ADAMTSL1: variants seen among roughly 807,000 people sequenced by gnomAD.
ADAMTSL1 encodes the protein ADAMTS like 1.
In ADAMTSL1, 126 loss-of-function variants were observed where a neutral mutation model predicts 201.8. That is an observed-to-expected ratio of 0.62 (90% CI 0.54 to 0.72). The LOEUF (loss-of-function observed/expected upper bound fraction) is 0.72. ADAMTSL1 is among the 30% of genes least tolerant of loss of function. ADAMTSL1 has a pLI of 0.00. For missense variants in ADAMTSL1, 2,679 were observed against 2,277.8 expected (o/e 1.18, Z -3.59); for synonymous variants, 1,121 against 903.4 (o/e 1.24, Z -4.32).
At chr9:18,881,380 G>C (rs1588297650) in intron 23 of ADAMTSL1, among the ~76,000 whole-genome samples, 1 of 152,196 alleles carries the variant, frequency 6.6e-6, no homozygotes, top group African/African-American at 2.4e-5. Flanking sequence ...AGATGCCACT[G>C]TAGGATTATT....
intron 3 of ADAMTSL1, among the ~76,000 whole-genome samples, chr9:18,534,819 A>C (rs957874852): frequency 6.6e-6 from 1 of 152,226 alleles, no homozygotes; most frequent in African/African-American, 2.4e-5. Flanking sequence ...CCTGAGCTGT[A>C]CCTTGGCCAC....
At chr9:17,926,107 T>C (rs1462644948) in intron 1 of ADAMTSL1, among the ~76,000 whole-genome samples, 1 of 152,142 alleles carries the variant, frequency 6.6e-6, no homozygotes, top group Admixed American at 6.5e-5. Context: ...GTCTACTGCA[T>C]ATGGAAAGGA....
chr9:18,264,106 A>G (rs769130472), intron 2 of ADAMTSL1, among the ~76,000 whole-genome samples: 5 of 152,210 alleles, frequency 3.3e-5, no homozygotes, highest in Admixed American at 6.5e-5. Flanking sequence ...CTGTGTCTCC[A>G]TTACTAGCAT....
At chr9:18,677,179 T>C (rs1472185258) in intron 10 of ADAMTSL1, among the ~76,000 whole-genome samples, 1 of 151,942 alleles carries the variant, frequency 6.6e-6, no homozygotes, top group African/African-American at 2.4e-5. Flanking sequence ...ATTTGACTTA[T>C]ACTAGATATA....
At chr9:18,510,799 A>C (rs1443919334) in intron 2 of ADAMTSL1, among the ~76,000 whole-genome samples, 2 of 152,010 alleles carry the variant, frequency 1.3e-5, no homozygotes, top group Non-Finnish European at 2.9e-5. Context: ...GTGCTTGATG[A>C]TGGACATTTA....
chr9:18,230,234 C>T (rs1830598918), intron 2 of ADAMTSL1, among the ~76,000 whole-genome samples: 1 of 152,136 alleles, frequency 6.6e-6, no homozygotes. Flanking sequence ...TCATCATATG[C>T]ACACATGCTA....
At position 18,515,535 on chromosome 9, in the gene ADAMTSL1, A is replaced by C. The variant is rs542688341; in HGVS notation, c.191+10579A>C. On this transcript the variant is annotated intron_variant, in intron 2 of 28. Transcript: ENST00000380548. ...TTTTTTGTAGAGACAGGGTTTCACTATGTTGGCCAGGCTGGTGTCTCCCTC... is the reference window on the plus strand; with the variant it reads ...TTTTTTGTAGAGACAGGGTTTCACTCTGTTGGCCAGGCTGGTGTCTCCCTC... Among the ~76,000 whole-genome samples, 3 of 152,218 alleles carry C rather than the reference A, an allele frequency of 2.0e-5. No homozygotes were observed. In the South Asian group the frequency reaches 6.2e-4, roughly 32 times the overall value.
intron 2 of ADAMTSL1, among the ~76,000 whole-genome samples, chr9:18,272,170 C>G (rs1832396745): frequency 6.6e-6 from 1 of 152,092 alleles, no homozygotes; most frequent in Non-Finnish European, 1.5e-5. Flanking sequence ...TGCAGAAGCT[C>G]AAAGCTGGAG....
chr9:18,697,874 G>C (rs1002831380), intron 13 of ADAMTSL1, among the ~76,000 whole-genome samples: 1 of 152,180 alleles, frequency 6.6e-6, no homozygotes, highest in African/African-American at 2.4e-5. Context: ...TTAAGTTGGA[G>C]ATTGAAGCTG....
intron 15 of ADAMTSL1, among the ~76,000 whole-genome samples, chr9:18,727,774 T>C (rs965328580): frequency 6.6e-6 from 1 of 152,182 alleles, no homozygotes; most frequent in Non-Finnish European, 1.5e-5. Flanking sequence ...CTGTGAGAAA[T>C]GAGCTTTGAT....
Position 18,319,411 on chromosome 9 carries a change from CTGT to C in ADAMTSL1, c.207+155432_207+155434del, listed in dbSNP as rs138897032. Among the ~76,000 whole-genome samples the C allele has an allele frequency of 9.4e-3, 1,433 of 152,232 alleles. 25 individuals are homozygous for C. Among genetic ancestry groups the C allele is most frequent in the African/African-American group, 0.033 (1,379 of 41,550 alleles). ...GCAAAACAGTCTTAATGTAATCATC[CTGT>C]TATTATCAATAACTTCACTGCTATG... On this transcript the variant is annotated intron_variant, in intron 2 of 29. Transcript: ENST00000680146.
At chr9:18,853,287 G>A (rs1826616565) in intron 23 of ADAMTSL1, among the ~76,000 whole-genome samples, 1 of 152,316 alleles carries the variant, frequency 6.6e-6, no homozygotes, top group South Asian at 2.1e-4. Context: ...CAGGGGCATT[G>A]CAGAGCCAGC....
At chr9:18,243,915 T>G (rs1171990822) in intron 2 of ADAMTSL1, among the ~76,000 whole-genome samples, 3 of 151,688 alleles carry the variant, frequency 2.0e-5, no homozygotes, top group African/African-American at 7.2e-5. Context: ...CACGAATGCT[T>G]AGTCAAGTGG....
chr9:18,351,561 A>G (rs537453140), intron 2 of ADAMTSL1, among the ~76,000 whole-genome samples: 9 of 152,236 alleles, frequency 5.9e-5, no homozygotes, highest in Admixed American at 3.9e-4. Context: ...TTGATTGCAC[A>G]TAATTCTTTA....
chr9:18,691,042 C>G (rs966269742), intron 13 of ADAMTSL1, among the ~76,000 whole-genome samples: 5 of 152,126 alleles, frequency 3.3e-5, no homozygotes, highest in African/African-American at 9.7e-5. Flanking sequence ...GGATTGTGAC[C>G]AAAGTGTTGA....
In ADAMTSL1 at chr9:18,306,161, A is replaced by T. The variant is rs996999288; in HGVS notation, c.207+142180A>T. 4.6e-5 allele frequency among the ~76,000 whole-genome samples: 7 copies of T among 152,194 alleles called. No individual in the cohort carries two copies. The East Asian group carries it at 5.8e-4, about 13-fold the overall frequency. On this transcript the variant is annotated intron_variant, in intron 2 of 29. Coordinates refer to the ADAMTSL1 transcript ENST00000680146. ...AATAGCGTCAACATCAACAAAAAAG[A>T]CATCCACACATAAACCACATCCGAA...
At chr9:18,516,087 C>CAAAAAAAAA (rs11418722) in intron 2 of ADAMTSL1, among the ~76,000 whole-genome samples, 3 of 131,120 alleles carry the variant, frequency 2.3e-5, no homozygotes, top group East Asian at 2.1e-4. Flanking sequence ...CCTCAACTAC[C>CAAAAAAAAA]AAAAAAAAAA....
chr9:18,631,263 G>A (rs889662144), intron 5 of ADAMTSL1, among the ~76,000 whole-genome samples: 44 of 152,316 alleles, frequency 2.9e-4, no homozygotes, highest in African/African-American at 1.1e-3. Flanking sequence ...AGATGGGAAT[G>A]AGGAGGGCAT....
At chr9:18,546,481 T>C (rs1430354159) in intron 3 of ADAMTSL1, among the ~76,000 whole-genome samples, 2 of 152,104 alleles carry the variant, frequency 1.3e-5, no homozygotes, top group African/African-American at 2.4e-5. Flanking sequence ...AAATATACTT[T>C]ATAGCTCTTT....
Sources: gnomAD v4.1 joint callset for allele counts (sites outside exome capture counted in the v4.1 genomes callset) on GRCh38, gnomAD v4.1.1 for gene constraint, MANE v1.5 for transcripts, NCBI Gene and HGNC (gene_info 2026-07-23, HGNC 2026-07-21) for gene names.